Variants in GSN observed in about 807,000 individuals in gnomAD.
GSN encodes the protein actin-depolymerizing factor.
In GSN, 56 loss-of-function variants were observed where a neutral mutation model predicts 85.7. That is an observed-to-expected ratio of 0.65 (90% CI 0.53 to 0.82). The LOEUF is 0.82. Among genes scored for constraint, GSN ranks in the 40% least tolerant of loss-of-function variants. The probability of loss-of-function intolerance (pLI) is 0.00; values close to 1 mark genes in which losing one functional copy is unlikely to be tolerated. For missense variants in GSN, 857 were observed against 979.8 expected (o/e 0.87, Z 1.67); for synonymous variants, 373 against 399.1 (o/e 0.93, Z 0.78).
At chr9:121,277,107 G>A (rs1258028608) in intron 1 of GSN, among the ~76,000 whole-genome samples, 1 of 151,960 alleles carries the variant, frequency 6.6e-6, no homozygotes, top group Non-Finnish European at 1.5e-5. Flanking sequence ...CTTTCTACCT[G>A]GTTAAGGTTT....
Position 121,310,735 on chromosome 9 carries a change from G to A in GSN, c.403G>A (p.Val135Met). 6.2e-7 allele frequency: 1 copy of A among 1,614,164 alleles called. No individual in the cohort carries two copies. Among genetic ancestry groups the A allele is most frequent in the East Asian group, 2.2e-5 (1 of 44,872 alleles). The stretch of plus-strand genomic sequence containing the variant: ...GCACGTGGTACCCAACGAGGTGGTG[G>A]TGCAGAGACTCTTCCAGGTCAAAGG... ...FKHVVPNEVV[V>M]QRLFQVKGRR... The change falls in exon 5 of 18, where the codon GTG (valine) becomes ATG (methionine). Residue 135 changes from valine (V) to methionine (M), a missense_variant. By Grantham distance (21) the Val-to-Met change is conservative (BLOSUM62 1). Coordinates refer to ENST00000432226, the MANE Select transcript of GSN (RefSeq NM_198252.3).
rs560878535 is a variant in GSN, at chr9:121,301,877, G to C, written c.-9-86G>C. 2.7e-4 allele frequency: 441 copies of C among 1,604,168 alleles called. 1 individual carries two copies. In the African/African-American group the frequency reaches 5.1e-3, roughly 18 times the overall value. On this transcript the variant is annotated intron_variant, in intron 2 of 17. Transcript: ENST00000432226. ...CAGGAGGCTCAAGTGAGATGCTCTT[G>C]GTGCTAGAAACCGCCCTCCCTCATG... is the stretch of plus-strand genomic sequence containing the variant.
chr9:121,311,613 C>T (rs1355208625), intron 5 of GSN: 2 of 152,756 alleles, frequency 1.3e-5, no homozygotes, highest in African/African-American at 2.4e-5. Flanking sequence ...TTGCCCCTTT[C>T]GGTGCCCTCA....
Position 121,327,476 on chromosome 9 carries a change from G to C in GSN, c.1756G>C (p.Glu586Gln). The change falls in exon 14 of 18, where the codon GAG (glutamate) becomes CAG (glutamine). Residue 586 changes from glutamate to glutamine, a missense_variant. Coordinates refer to ENST00000432226, the MANE Select transcript of GSN (RefSeq NM_198252.3). ...AQPVQVAEGSEPDGFWEALGG... is the reference protein window; with the variant it reads ...AQPVQVAEGSQPDGFWEALGG... ...ACCTGTGCAGGTGGCAGAAGGCAGC[G>C]AGCCAGGTAGGAGCCGGGGTGGGGG... 1.3e-6 allele frequency: 2 copies of C among 1,571,668 alleles called. No homozygotes were observed. The highest frequency in any genetic ancestry group is 1.7e-6 in the Non-Finnish European group (2 of 1,157,528).
chr9:121,299,950 C>T lies in GSN; in HGVS notation c.-9-2013C>T, dbSNP rs1048939391. 3 of 1,267,180 alleles carry T rather than the reference C, an allele frequency of 2.4e-6. No individual in the cohort carries two copies. 78.5% of individuals were successfully genotyped at this position (1,267,180 alleles called of 1,614,324 possible). On this transcript the variant is annotated intron_variant, in intron 2 of 17. Coordinates refer to ENST00000432226, the MANE Select transcript of GSN (RefSeq NM_198252.3). This position sits in a 1 kb window ranked among gnomAD's most constrained non-coding sequence, Gnocchi z 4.2. ...TCGCTGCCCGTCCGCGCGGCCACTG[C>T]GTCGCGGGGGGCGTCCCAGGCGGGG...
intron 4 of GSN, chr9:121,308,937 T>G (rs1458100647): frequency 6.6e-6 from 1 of 152,198 alleles, no homozygotes; most frequent in African/African-American, 2.4e-5. Flanking sequence ...TCCCTTGCCC[T>G]CCTCGAGTCT....
rs192624092 is a variant in GSN at position 121,213,575 on chromosome 9, T to C, written c.-528+2708T>C. ...TGAAGAAGTTTGCAGTCAGGTGGGCTTGGATTAAAATCCTGACTCTGCCGT... is the reference window on the plus strand; with the variant it reads ...TGAAGAAGTTTGCAGTCAGGTGGGCCTGGATTAAAATCCTGACTCTGCCGT... On this transcript the variant is annotated intron_variant, in intron 4 of 24. Transcript: ENST00000373823. 5.8e-3 allele frequency among the ~76,000 whole-genome samples: 883 copies of C among 152,356 alleles called. 3 individuals are homozygous for C. Among genetic ancestry groups the C allele is most frequent in the Non-Finnish European group, 9.6e-3 (652 of 68,026 alleles).
At chr9:121,327,282 T>C in intron 13 of GSN, 26 bp from the exon 14 acceptor site, 3 of 1,605,190 alleles carry the variant, frequency 1.9e-6, no homozygotes, top group Non-Finnish European at 2.6e-6. Context: ...GTCTGGTTCC[T>C]GATTAACCAA....
rs139702017 is a variant in GSN, at chr9:121,307,310, T to A, written c.352-3374T>A. ...TTAATAACAAAAATGAAAGGCATAC[T>A]TCAACAAGTAAAATATTTAGAGGGG... On this transcript the variant is annotated intron_variant, in intron 4 of 17. Coordinates refer to ENST00000432226, the MANE Select transcript of GSN (RefSeq NM_198252.3). Among the ~76,000 whole-genome samples, 88 of 152,364 alleles carry A rather than the reference T, an allele frequency of 5.8e-4. 1 individual carries two copies. In the East Asian group the frequency reaches 0.015, roughly 26 times the overall value.
intron 4 of GSN, among the ~76,000 whole-genome samples, chr9:121,228,630 G>T (rs1276804508): frequency 1.3e-5 from 2 of 151,434 alleles, no homozygotes; most frequent in African/African-American, 4.9e-5. Context: ...TCACCATTTT[G>T]CCCAGGCTGG....
chr9:121,222,644 A>T (rs1291122597), intron 4 of GSN, among the ~76,000 whole-genome samples: 1 of 152,222 alleles, frequency 6.6e-6, no homozygotes, highest in East Asian at 1.9e-4. Context: ...TCTGAGTCTC[A>T]CAGCACCAAC....
intron 5 of GSN, among the ~76,000 whole-genome samples, chr9:121,243,528 T>G (rs116164041): frequency 0.013 from 1,962 of 152,302 alleles, 36 homozygotes; most frequent in African/African-American, 0.045. Flanking sequence ...TGTACATTTA[T>G]TTTTTTCAAG....
chr9:121,247,016 C>A (rs1436714170), intron 5 of GSN, among the ~76,000 whole-genome samples: 1 of 152,018 alleles, frequency 6.6e-6, no homozygotes, highest in Admixed American at 6.6e-5. Flanking sequence ...GCAGACAGAG[C>A]AATAGGCATC....
chr9:121,332,549 T>C lies in GSN; in HGVS notation c.2142T>C (p.Asp714=). ...TGGGCTGGTTCCTTGGCTGGGATGA[T>C]GATTACTGGTCTGTGGACCCCTTGG... The part of the protein sequence containing the change: ...SFVGWFLGWD[D]DYWSVDPLDR... Residue 714 remains aspartate, a synonymous_variant, in exon 18 of 18, where the codon GAT becomes GAC. Coordinates refer to ENST00000432226, the MANE Select transcript of GSN (RefSeq NM_198252.3). This position sits in a 1 kb window ranked among gnomAD's most constrained non-coding sequence, Gnocchi z 4.8. The C allele has an allele frequency of 6.2e-7, 1 of 1,614,094 alleles. No homozygotes were observed. The highest frequency in any genetic ancestry group is 8.5e-7 in the Non-Finnish European group (1 of 1,179,992).
intron 4 of GSN, among the ~76,000 whole-genome samples, chr9:121,225,741 G>A (rs144457975): frequency 5.3e-5 from 8 of 152,254 alleles, no homozygotes; most frequent in African/African-American, 1.7e-4. Context: ...CTGCATCTCC[G>A]AATGTTTTTG....
At chr9:121,241,046 C>A (rs2054593828) in intron 5 of GSN, among the ~76,000 whole-genome samples, 2 of 152,080 alleles carry the variant, frequency 1.3e-5, no homozygotes, top group Non-Finnish European at 2.9e-5. Context: ...GAAACTTCAA[C>A]CAAGTATCAA....
Position 121,310,775 on chromosome 9 carries a change from G to A in GSN, c.443G>A (p.Arg148His), listed in dbSNP as rs150617780. The A allele has an allele frequency of 5.5e-5, 89 of 1,614,016 alleles. No homozygotes were observed. The highest frequency in any genetic ancestry group is 6.9e-5 in the Non-Finnish European group (81 of 1,180,006). ...LFQVKGRRVV[R>H]ATEVPVSWES... ...CAGGTCAAAGGGCGGCGTGTGGTCC[G>A]TGCCACCGAGGTACCTGTGTCCTGG... Residue 148 changes from arginine to histidine, a missense_variant, in exon 5 of 18, where the codon CGT becomes CAT. Physicochemically the swap from Arg to His is conservative, Grantham distance 29. Coordinates refer to ENST00000432226, the MANE Select transcript of GSN (RefSeq NM_198252.3).
At chr9:121,257,832 C>T (rs551451138) in intron 6 of GSN, among the ~76,000 whole-genome samples, 3 of 152,256 alleles carry the variant, frequency 2.0e-5, no homozygotes, top group Admixed American at 2.0e-4. Context: ...GATTGCGTCA[C>T]TGCACTCCAG....
At chr9:121,305,056 C>T (rs1372866612) in intron 4 of GSN, among the ~76,000 whole-genome samples, 2 of 152,180 alleles carry the variant, frequency 1.3e-5, no homozygotes, top group African/African-American at 4.8e-5. Context: ...AGGGCATAAC[C>T]TGACAGTCTA....
Sources: allele counts gnomAD v4.1 joint callset (sites outside exome capture counted in the v4.1 genomes callset), GRCh38; gene constraint gnomAD v4.1.1; non-coding constraint Gnocchi (gnomAD v3.1); transcripts MANE v1.5; gene names NCBI Gene and HGNC (gene_info 2026-07-23, HGNC 2026-07-21).